Variants in WDR27 observed in about 807,000 individuals in gnomAD.
WDR27 encodes the protein WD repeat domain 27, also known as WD repeat-containing protein 27.
In WDR27, 100 loss-of-function variants were observed where a neutral mutation model predicts 114.4. The ratio of observed to expected loss-of-function variants is 0.87; its 90% confidence interval spans 0.74 to 1.03. The LOEUF is 1.03. WDR27 is among the 50% of genes least tolerant of loss of function. The probability of loss-of-function intolerance (pLI) is 0.00; values close to 1 mark genes in which losing one functional copy is unlikely to be tolerated. For synonymous variants in WDR27, 449 were observed against 423.1 expected (o/e 1.06, Z -0.75); for missense variants, 1,129 against 1,092.9 (o/e 1.03, Z -0.47).
intron 8 of WDR27, 124 bp downstream of exon 8, chr6:169,664,042 C>A: frequency 1.1e-6 from 1 of 938,594 alleles, no homozygotes; most frequent in Non-Finnish European, 1.5e-6. Context: ...TCTGAGGTTG[C>A]AGCCCTTGGC....
chr6:169,437,697 A>G, the WDR27 span, among the ~76,000 whole-genome samples: 1 of 152,170 alleles, frequency 6.6e-6, no homozygotes, highest in Admixed American at 6.5e-5. Context: ...CTATAATTAT[A>G]TAGAAATTTT....
intron 21 of WDR27, among the ~76,000 whole-genome samples, chr6:169,626,100 A>G (rs949507922): frequency 6.6e-6 from 1 of 152,190 alleles, no homozygotes; most frequent in African/African-American, 2.4e-5. Flanking sequence ...AAGAATTGAC[A>G]GTGAAGATTA....
chr6:169,683,534 A>G (rs1782096397), intron 2 of WDR27, among the ~76,000 whole-genome samples: 1 of 152,116 alleles, frequency 6.6e-6, no homozygotes, highest in Non-Finnish European at 1.5e-5. Context: ...CCAAAAGAAA[A>G]AAAAAAACAA....
At chr6:169,499,344 GGACAAA>G (rs1381718804) in intron 25 of WDR27, among the ~76,000 whole-genome samples, 2 of 152,170 alleles carry the variant, frequency 1.3e-5, no homozygotes, top group Non-Finnish European at 2.9e-5. Context: ...TGAATAGCTG[GGACAAA>G]GACAGTGTGA....
At chr6:169,479,359 A>T (rs1477115410) in intron 25 of WDR27, among the ~76,000 whole-genome samples, 2 of 152,312 alleles carry the variant, frequency 1.3e-5, no homozygotes, top group Middle Eastern at 3.4e-3. Flanking sequence ...ACCAATCAGA[A>T]TGGCTATTAA....
At chr6:169,446,762 G>A in the WDR27 span, among the ~76,000 whole-genome samples, 26 of 152,246 alleles carry the variant, frequency 1.7e-4, no homozygotes, top group South Asian at 5.2e-3. Flanking sequence ...AGAATTTCCT[G>A]ACTCAGAATT....
At chr6:169,573,096 G>A (rs1027917829) in intron 24 of WDR27, among the ~76,000 whole-genome samples, 6 of 152,034 alleles carry the variant, frequency 3.9e-5, no homozygotes, top group African/African-American at 1.2e-4. Flanking sequence ...GTTGCAGCCC[G>A]AGCCTCCCGG....
intron 25 of WDR27, among the ~76,000 whole-genome samples, chr6:169,531,861 C>T (rs1367424683): frequency 1.3e-5 from 2 of 152,000 alleles, no homozygotes; most frequent in African/African-American, 2.4e-5. Context: ...ACCATGTTGG[C>T]GACGATGGTC....
chr6:169,687,301 T>A (rs1270985091), intron 2 of WDR27, among the ~76,000 whole-genome samples: 1 of 152,072 alleles, frequency 6.6e-6, no homozygotes, highest in East Asian at 1.9e-4. Flanking sequence ...TGCCATATGA[T>A]TCTATTTACA....
intron 25 of WDR27, among the ~76,000 whole-genome samples, chr6:169,524,545 T>G (rs998065426): frequency 5.3e-5 from 8 of 152,110 alleles, no homozygotes; most frequent in African/African-American, 1.7e-4. Flanking sequence ...TCCAAATTTA[T>G]AGTAACCAAA....
At chr6:169,609,668 C>T (rs1562687441) in intron 22 of WDR27, among the ~76,000 whole-genome samples, 1 of 152,198 alleles carries the variant, frequency 6.6e-6, no homozygotes, top group Non-Finnish European at 1.5e-5. Flanking sequence ...GAGGGGCTGC[C>T]ATGAGGACCT....
intron 23 of WDR27, among the ~76,000 whole-genome samples, chr6:169,597,782 G>C (rs908388995): frequency 6.6e-6 from 1 of 151,796 alleles, no homozygotes; most frequent in Admixed American, 6.6e-5. Context: ...GACCCTCCAT[G>C]GCCCTAAAGT....
chr6:169,529,873 T>C (rs943579922), intron 25 of WDR27, among the ~76,000 whole-genome samples: 4 of 152,226 alleles, frequency 2.6e-5, no homozygotes, highest in Non-Finnish European at 4.4e-5. Flanking sequence ...GTTTTTGTAA[T>C]TCACAAACTT....
chr6:169,555,512 A>T (rs756387157), intron 25 of WDR27, among the ~76,000 whole-genome samples: 3 of 152,198 alleles, frequency 2.0e-5, no homozygotes, highest in Non-Finnish European at 4.4e-5. Flanking sequence ...ATCATCATTT[A>T]TATTTCTCAC....
rs138758813 is a variant in WDR27, at chr6:169,494,973, A to G, written c.2646-37339T>C. ...ATAATGCTGAAAGAGAAATTGCACA[A>G]ACATTAAAAACCACATACACATTAC... On this transcript the variant is annotated intron_variant, in intron 25 of 25. Coordinates refer to ENST00000448612, the MANE Select transcript of WDR27 (RefSeq NM_182552.5). 3.5e-3 allele frequency among the ~76,000 whole-genome samples: 527 copies of G among 152,338 alleles called. 2 individuals are homozygous for G. Among genetic ancestry groups the G allele is most frequent in the African/African-American group, 0.012 (494 of 41,588 alleles).
chr6:169,664,080 C>G, intron 8 of WDR27, 86 bp downstream of exon 8: 1 of 1,255,834 alleles, frequency 8.0e-7, no homozygotes, highest in African/African-American at 1.5e-5. Flanking sequence ...CTCTCTCTCC[C>G]CTGTGTGACC....
chr6:169,655,453 G>A (rs1823859645), intron 13 of WDR27, among the ~76,000 whole-genome samples: 1 of 152,114 alleles, frequency 6.6e-6, no homozygotes, highest in Non-Finnish European at 1.5e-5. Flanking sequence ...ATAAATCGTG[G>A]GTACATAAAC....
chr6:169,659,544 A>G lies in WDR27; in HGVS notation c.1130-26T>C. On this transcript the variant is annotated intron_variant, in intron 10 of 25. Coordinates refer to ENST00000448612, the MANE Select transcript of WDR27 (RefSeq NM_182552.5). The surrounding 1 kb of genome is among the most constrained non-coding windows in gnomAD (Gnocchi z 4.3). ...CTTCAGTTGAGCGAAGACCAGGAAGAACATGATGGGGAGGGAGGTAGCACA... is the reference window on the plus strand; with the variant it reads ...CTTCAGTTGAGCGAAGACCAGGAAGGACATGATGGGGAGGGAGGTAGCACA... 6.3e-7 allele frequency: 1 copy of G among 1,596,876 alleles called. No homozygotes were observed. The highest frequency in any genetic ancestry group is 8.5e-7 in the Non-Finnish European group (1 of 1,171,990).
chr6:169,673,431 T>C (rs1394811284), intron 2 of WDR27, among the ~76,000 whole-genome samples: 3 of 151,742 alleles, frequency 2.0e-5, no homozygotes, highest in South Asian at 2.1e-4. Flanking sequence ...ACACACACTA[T>C]ATATATATAC....
Sources: gnomAD v4.1 joint callset for allele counts (sites outside exome capture counted in the v4.1 genomes callset) on GRCh38, gnomAD v4.1.1 for gene constraint, Gnocchi (gnomAD v3.1) non-coding constraint, MANE v1.5 for transcripts, NCBI Gene and HGNC (gene_info 2026-07-23, HGNC 2026-07-21) for gene names.